The following RAB27B variants were observed in gnomAD, a reference collection of about 807,000 sequenced individuals.
The protein encoded by RAB27B is ras-related protein Rab-27B.
RAB27B carries 15 observed loss-of-function variants against 24.6 expected under a neutral mutation model. The ratio of observed to expected loss-of-function variants is 0.61; its 90% confidence interval spans 0.41 to 0.94. The LOEUF (loss-of-function observed/expected upper bound fraction) is 0.94. Among genes scored for constraint, RAB27B ranks in the 40% least tolerant of loss-of-function variants. The probability of loss-of-function intolerance (pLI) is 0.00; values close to 1 mark genes in which losing one functional copy is unlikely to be tolerated. For synonymous variants in RAB27B, 105 were observed against 92.5 expected, an observed-to-expected ratio of 1.14 and a Z score of -0.78; for missense variants, 261 against 266.8, an observed-to-expected ratio of 0.98 and a Z score of 0.15.
At chr18:54,884,221 C>A (rs1236177464) in intron 3 of RAB27B, 112 bp from the exon 4 acceptor site, 4 of 630,486 alleles carry the variant, frequency 6.3e-6, no homozygotes, top group Non-Finnish European at 1.1e-5. Flanking sequence ...CTAAGATATT[C>A]CATAAGGGCC....
rs1176375398 is a variant in RAB27B, at chr18:54,799,971, A to G, written c.-19-77596A>G. Among the ~76,000 whole-genome samples the G allele has an allele frequency of 2.6e-5, 4 of 152,276 alleles. No homozygotes were observed. In the East Asian group the frequency reaches 7.7e-4, roughly 29 times the overall value. ...AATAAAATGATTTTTTAAGGAGAAT[A>G]ACCGTTATCCCACCACACAGAAACA... On this transcript the variant is annotated intron_variant, in intron 2 of 4. Coordinates refer to the RAB27B transcript ENST00000586570.
intron 2 of RAB27B, among the ~76,000 whole-genome samples, chr18:54,778,122 C>G (rs1335202698): frequency 6.6e-6 from 1 of 152,196 alleles, no homozygotes; most frequent in African/African-American, 2.4e-5. Context: ...TTCCTTCTTA[C>G]CAATAAGTCA....
intron 2 of RAB27B, among the ~76,000 whole-genome samples, chr18:54,799,053 G>A (rs981093700): frequency 2.0e-5 from 3 of 152,102 alleles, no homozygotes; most frequent in African/African-American, 7.2e-5. Flanking sequence ...TATTGTCATT[G>A]ATCTCTTCCT....
intron 2 of RAB27B, among the ~76,000 whole-genome samples, chr18:54,812,699 T>C (rs1052983185): frequency 3.9e-5 from 6 of 152,128 alleles, no homozygotes; most frequent in African/African-American, 1.2e-4. Context: ...TCTACATTAA[T>C]TAACAAGGAC....
chr18:54,770,621 C>T (rs1398851952), intron 2 of RAB27B, among the ~76,000 whole-genome samples: 2 of 151,944 alleles, frequency 1.3e-5, no homozygotes, highest in African/African-American at 4.8e-5. Flanking sequence ...CCAAAACCAC[C>T]CCCCAACCAA....
chr18:54,857,935 C>T (rs975275814), intron 1 of RAB27B, among the ~76,000 whole-genome samples: 1 of 152,224 alleles, frequency 6.6e-6, no homozygotes, highest in Non-Finnish European at 1.5e-5. Context: ...AGAGCATCTT[C>T]TCTTTAGTTA....
intron 2 of RAB27B, among the ~76,000 whole-genome samples, chr18:54,720,926 C>T (rs1909340506): frequency 6.6e-6 from 1 of 152,052 alleles, no homozygotes; most frequent in South Asian, 2.1e-4. Context: ...ATTATGATTT[C>T]CCCTTAAATA....
intron 2 of RAB27B, among the ~76,000 whole-genome samples, chr18:54,721,604 G>A (rs1010582494): frequency 1.2e-4 from 18 of 152,080 alleles, no homozygotes; most frequent in African/African-American, 4.1e-4. Context: ...AACAAGTTAT[G>A]TCCCCCCTTG....
chr18:54,724,157 TGA>T (rs1568042631), intron 2 of RAB27B, among the ~76,000 whole-genome samples: 2 of 151,402 alleles, frequency 1.3e-5, no homozygotes, highest in Non-Finnish European at 3.0e-5. Flanking sequence ...TAAAACTGGC[TGA>T]GTCTCACAAA....
intron 2 of RAB27B, among the ~76,000 whole-genome samples, chr18:54,819,967 G>A (rs150811180): frequency 0.011 from 1,692 of 152,180 alleles, 32 homozygotes; most frequent in African/African-American, 0.039. Context: ...TTTTTTGGCT[G>A]CATAGTATTC....
intron 2 of RAB27B, among the ~76,000 whole-genome samples, chr18:54,763,021 A>T (rs539293907): frequency 6.6e-6 from 1 of 152,340 alleles, no homozygotes; most frequent in South Asian, 2.1e-4. Context: ...TCATTCATTC[A>T]TCAAATATTT....
chr18:54,832,510 A>G (rs1462593817), intron 1 of RAB27B, among the ~76,000 whole-genome samples: 1 of 152,248 alleles, frequency 6.6e-6, no homozygotes, highest in Non-Finnish European at 1.5e-5. Context: ...CCTAGAGGAC[A>G]TCATAGCTGG....
intron 2 of RAB27B, among the ~76,000 whole-genome samples, chr18:54,752,750 G>A (rs1311693853): frequency 6.6e-6 from 1 of 152,190 alleles, no homozygotes; most frequent in African/African-American, 2.4e-5. Context: ...GAGCAGAGAT[G>A]CGTGCTGTTG....
At chr18:54,886,067 T>C (rs368742250) in intron 4 of RAB27B, among the ~76,000 whole-genome samples, 44 of 152,182 alleles carry the variant, frequency 2.9e-4, no homozygotes, top group African/African-American at 9.1e-4. Context: ...ACCTCCCACA[T>C]TGGGGATTAC....
chr18:54,745,702 G>C (rs1910215275), intron 2 of RAB27B: 1 of 150,802 alleles, frequency 6.6e-6, no homozygotes, highest in Non-Finnish European at 1.5e-5. Context: ...AGAGTCATTA[G>C]AAGCATTCAC....
intron 1 of RAB27B, among the ~76,000 whole-genome samples, chr18:54,832,749 A>G (rs1466529595): frequency 6.6e-5 from 10 of 152,086 alleles, no homozygotes; most frequent in Admixed American, 6.5e-4. Flanking sequence ...TTTTTTTAGG[A>G]TGAAGGGTGT....
upstream of RAB27B, among the ~76,000 whole-genome samples, chr18:54,827,166 G>T (rs3764515): frequency 0.23 from 34,851 of 152,172 alleles, 4,235 homozygotes; most frequent in East Asian, 0.39. Context: ...AAATCTACAG[G>T]CTGAGCCTCA....
At chr18:54,732,189 T>A (rs752986624) in intron 2 of RAB27B, among the ~76,000 whole-genome samples, 1 of 152,060 alleles carries the variant, frequency 6.6e-6, no homozygotes, top group Non-Finnish European at 1.5e-5. Flanking sequence ...AATAAAAGAG[T>A]GATTGCTCCT....
chr18:54,722,113 C>T (rs180795351), intron 2 of RAB27B, among the ~76,000 whole-genome samples: 16 of 152,280 alleles, frequency 1.1e-4, no homozygotes, highest in South Asian at 8.3e-4. Context: ...TGATGACTTA[C>T]GAAGTGCTAC....
Sources: gnomAD v4.1 joint callset for allele counts (sites outside exome capture counted in the v4.1 genomes callset) on GRCh38, gnomAD v4.1.1 for gene constraint, MANE v1.5 for transcripts, NCBI Gene and HGNC (gene_info 2026-07-23, HGNC 2026-07-21) for gene names.